Variants in CCDC178 observed in about 807,000 individuals in gnomAD.
CCDC178 encodes coiled-coil domain containing 178, also known as coiled-coil domain-containing protein 178.
CCDC178 carries 126 observed loss-of-function variants against 117.4 expected under a neutral mutation model. The observed-to-expected ratio is 1.07, with a 90% CI of 0.93 to 1.24. The LOEUF (loss-of-function observed/expected upper bound fraction) is 1.24, where lower values mean the gene tolerates loss of function less well. Among genes scored for constraint, CCDC178 ranks in the 50% most tolerant of loss-of-function variants. CCDC178 has a pLI of 0.00. For synonymous variants in CCDC178, 283 were observed against 313.4 expected, an observed-to-expected ratio of 0.90 and a Z score of 1.02; for missense variants, 1,030 against 986.9, an observed-to-expected ratio of 1.04 and a Z score of -0.59.
At position 33,112,324 on chromosome 18, in the gene CCDC178, T is replaced by C. The variant is rs73417487; in HGVS notation, c.2239-19414A>G. On this transcript the variant is annotated intron_variant, in intron 20 of 22. Transcript: ENST00000383096. ...TGTAGCAACATTCTCTGCCCAATTT[T>C]GTTAGATAAAGTAACATATTAAATT... 9.4e-3 allele frequency among the ~76,000 whole-genome samples: 1,429 copies of C among 151,952 alleles called. 24 individuals are homozygous for C. Among genetic ancestry groups the C allele is most frequent in the African/African-American group, 0.033 (1,365 of 41,508 alleles).
chr18:33,380,605 C>T (rs551965736), intron 5 of CCDC178, among the ~76,000 whole-genome samples: 3 of 152,286 alleles, frequency 2.0e-5, no homozygotes, highest in Admixed American at 2.0e-4. Flanking sequence ...ACAGAGGGAG[C>T]CTTTCTGACT....
chr18:33,127,680 T>C (rs2058024488), intron 20 of CCDC178, among the ~76,000 whole-genome samples: 1 of 152,098 alleles, frequency 6.6e-6, no homozygotes, highest in African/African-American at 2.4e-5. Context: ...GTAATCCACC[T>C]TCCTCGGCCT....
At chr18:32,949,582 T>C (rs1202445815) in intron 22 of CCDC178, among the ~76,000 whole-genome samples, 1 of 152,158 alleles carries the variant, frequency 6.6e-6, no homozygotes, top group Non-Finnish European at 1.5e-5. Context: ...AGAAGTTCAA[T>C]TGGGTCCTTT....
At chr18:33,324,986 G>A (rs991242560) in intron 10 of CCDC178, among the ~76,000 whole-genome samples, 2 of 151,410 alleles carry the variant, frequency 1.3e-5, no homozygotes, top group African/African-American at 4.8e-5. Flanking sequence ...CTTCTATTTG[G>A]TGTTTTAATT....
intron 20 of CCDC178, among the ~76,000 whole-genome samples, chr18:33,134,312 AACT>A (rs1334911729): frequency 1.3e-4 from 20 of 151,998 alleles, no homozygotes; most frequent in African/African-American, 3.9e-4. Context: ...GATAATTGAA[AACT>A]ACTTTATGAA....
intron 21 of CCDC178, among the ~76,000 whole-genome samples, chr18:33,033,935 A>G (rs796177847): frequency 3.5e-5 from 5 of 142,006 alleles, no homozygotes; most frequent in East Asian, 3.9e-4. Flanking sequence ...GTGTGTGTGT[A>G]TATATATATA....
intron 20 of CCDC178, among the ~76,000 whole-genome samples, chr18:33,165,369 A>G (rs1443994466): frequency 6.6e-6 from 1 of 152,070 alleles, no homozygotes; most frequent in Non-Finnish European, 1.5e-5. Flanking sequence ...TTTACATTGT[A>G]TTAGGTATTA....
At chr18:33,415,539 C>T (rs1034741800) in intron 2 of CCDC178, among the ~76,000 whole-genome samples, 1 of 146,260 alleles carries the variant, frequency 6.8e-6, no homozygotes, top group Non-Finnish European at 1.5e-5. Context: ...CATCACACAT[C>T]AGGGCCTGTC....
intron 20 of CCDC178, among the ~76,000 whole-genome samples, chr18:33,124,671 G>A (rs954282696): frequency 1.3e-5 from 2 of 152,076 alleles, no homozygotes; most frequent in Non-Finnish European, 2.9e-5. Flanking sequence ...TTTACTGAAG[G>A]ATAATACTGA....
chr18:32,962,160 G>A (rs1471055539), intron 22 of CCDC178, among the ~76,000 whole-genome samples: 3 of 151,626 alleles, frequency 2.0e-5, no homozygotes, highest in African/African-American at 7.3e-5. Flanking sequence ...TTTAAGACTT[G>A]CACCACAAAA....
chr18:32,970,866 C>T (rs960344459), intron 22 of CCDC178, among the ~76,000 whole-genome samples: 5 of 151,728 alleles, frequency 3.3e-5, no homozygotes, highest in Non-Finnish European at 7.4e-5. Context: ...AATTGTGGTT[C>T]GTGGGTATAT....
chr18:32,950,867 T>C (rs1399201898), intron 22 of CCDC178, among the ~76,000 whole-genome samples: 1 of 152,198 alleles, frequency 6.6e-6, no homozygotes, highest in Non-Finnish European at 1.5e-5. Context: ...TAGACTTCTA[T>C]AGCTAATACC....
At chr18:33,274,818 C>G (rs748897613) in intron 12 of CCDC178, among the ~76,000 whole-genome samples, 6 of 151,916 alleles carry the variant, frequency 3.9e-5, no homozygotes, top group Non-Finnish European at 8.8e-5. Context: ...TTGATAAATG[C>G]CTGTGGAAGG....
intron 21 of CCDC178, among the ~76,000 whole-genome samples, chr18:32,988,335 C>T (rs916403927): frequency 6.7e-4 from 101 of 151,690 alleles, no homozygotes; most frequent in Non-Finnish European, 1.9e-4. Flanking sequence ...ACTCGGGAGG[C>T]TGAGGCAGGA....
At chr18:33,168,420 T>C (rs907539390) in intron 20 of CCDC178, among the ~76,000 whole-genome samples, 1 of 152,208 alleles carries the variant, frequency 6.6e-6, no homozygotes, top group African/African-American at 2.4e-5. Context: ...TTCTGGGCTC[T>C]CTATTCTGTT....
intron 14 of CCDC178, among the ~76,000 whole-genome samples, chr18:33,265,114 A>T (rs1001632033): frequency 2.6e-5 from 4 of 152,140 alleles, no homozygotes; most frequent in African/African-American, 9.6e-5. Context: ...CAACATCCTT[A>T]AAAAAGTATG....
At chr18:33,090,222 T>C (rs578077761) in intron 21 of CCDC178, among the ~76,000 whole-genome samples, 1 of 152,288 alleles carries the variant, frequency 6.6e-6, no homozygotes, top group African/African-American at 2.4e-5. Context: ...TTTATTACTC[T>C]TGGCATAAGA....
At chr18:33,259,535 GGAGA>G (rs144131980) in intron 14 of CCDC178, among the ~76,000 whole-genome samples, 3 of 151,886 alleles carry the variant, frequency 2.0e-5, no homozygotes, top group Admixed American at 6.6e-5. Flanking sequence ...TGGCTGAACA[GGAGA>G]GAGAGAGAGT....
intron 6 of CCDC178, among the ~76,000 whole-genome samples, chr18:33,364,588 G>A (rs898758456): frequency 2.0e-5 from 3 of 151,884 alleles, no homozygotes; most frequent in East Asian, 3.9e-4. Context: ...CACAACTGAC[G>A]GAGCAAGATC....
Sources: gnomAD v4.1 joint callset for allele counts (sites outside exome capture counted in the v4.1 genomes callset) on GRCh38, gnomAD v4.1.1 for gene constraint, MANE v1.5 for transcripts, NCBI Gene and HGNC (gene_info 2026-07-23, HGNC 2026-07-21) for gene names.